The following HELZ variants were observed in gnomAD, a reference collection of about 807,000 sequenced individuals.
HELZ encodes the protein ATP-dependent RNA helicase with zinc finger domain.
HELZ carries 23 observed loss-of-function variants against 218.2 expected under a neutral mutation model. That is an observed-to-expected ratio of 0.11 (90% CI 0.08 to 0.15). The LOEUF is 0.15. Ranked by LOEUF, HELZ falls within the 10% of genes least tolerant of loss-of-function variation. The probability of loss-of-function intolerance (pLI) is 1.00; values close to 1 mark genes in which losing one functional copy is unlikely to be tolerated. For missense variants in HELZ, 1,813 were observed against 2,353.7 expected, an observed-to-expected ratio of 0.77 and a Z score of 4.75; for synonymous variants, 814 against 829.4, an observed-to-expected ratio of 0.98 and a Z score of 0.32.
intron 32 of HELZ, among the ~76,000 whole-genome samples, chr17:67,085,251 T>G (rs2036333386): frequency 1.3e-5 from 2 of 151,630 alleles, no homozygotes; most frequent in Admixed American, 6.6e-5. Context: ...AAACCCCATT[T>G]CTACAAAAAT....
intron 31 of HELZ, among the ~76,000 whole-genome samples, chr17:67,094,400 AG>A (rs2036675912): frequency 6.6e-6 from 1 of 151,754 alleles, no homozygotes; most frequent in Non-Finnish European, 1.5e-5. Flanking sequence ...AGAGAGAGAG[AG>A]AGAGAGATAC....
At chr17:67,237,917 G>A (rs565844375) in intron 3 of HELZ, among the ~76,000 whole-genome samples, 7 of 151,622 alleles carry the variant, frequency 4.6e-5, no homozygotes, top group African/African-American at 1.7e-4. Context: ...GAACCCAAGA[G>A]GCAGAGGTTA....
At position 67,193,585 on chromosome 17, in the gene HELZ, A is replaced by G. The variant is rs372269714; in HGVS notation, c.557+382T>C. On this transcript the variant is annotated intron_variant, in intron 9 of 32. Transcript: ENST00000358691. Reference sequence around the variant, plus strand: ...ACAAAAAATTAGCCAGTGTGGTGGCACATGCCTGTAATCCCAGATACTCAG... The same window carrying G: ...ACAAAAAATTAGCCAGTGTGGTGGCGCATGCCTGTAATCCCAGATACTCAG... 4.9e-4 allele frequency among the ~76,000 whole-genome samples: 74 copies of G among 152,128 alleles called. 1 individual carries two copies. The East Asian group carries it at 9.9e-3, about 20-fold the overall frequency.
chr17:67,186,897 A>C (rs2039771057), intron 12 of HELZ, among the ~76,000 whole-genome samples: 1 of 152,222 alleles, frequency 6.6e-6, no homozygotes, highest in South Asian at 2.1e-4. Flanking sequence ...GGTCTCTAAA[A>C]GCAACTTACT....
intron 31 of HELZ, among the ~76,000 whole-genome samples, chr17:67,088,019 T>A (rs560450024): frequency 1.3e-5 from 2 of 152,334 alleles, no homozygotes; most frequent in South Asian, 4.1e-4. Context: ...GGCAACTGAT[T>A]TAACTTCTTT....
intron 31 of HELZ, among the ~76,000 whole-genome samples, chr17:67,094,970 A>G (rs1487574742): frequency 6.6e-6 from 1 of 152,206 alleles, no homozygotes; most frequent in African/African-American, 2.4e-5. Flanking sequence ...TCTTAAAATA[A>G]GACAATAATA....
intron 1 of HELZ, chr17:67,244,784 G>T: frequency 1.0e-6 from 1 of 985,348 alleles, no homozygotes; most frequent in Non-Finnish European, 1.2e-6. Flanking sequence ...CCGGAGGAGG[G>T]GAACGTGCCG....
intron 21 of HELZ, among the ~76,000 whole-genome samples, chr17:67,139,475 C>T (rs2038255784): frequency 6.6e-6 from 1 of 152,170 alleles, no homozygotes; most frequent in African/African-American, 2.4e-5. Flanking sequence ...CACCTCTAAG[C>T]AACACACAAC....
intron 5 of HELZ, among the ~76,000 whole-genome samples, chr17:67,206,250 T>C (rs1361618903): frequency 5.3e-5 from 8 of 152,254 alleles, no homozygotes; most frequent in African/African-American, 2.4e-5. Context: ...TCAAACTGAA[T>C]TGTTCCTTTC....
intron 7 of HELZ, 147 bp downstream of exon 7, chr17:67,200,982 C>G (rs1269928294): frequency 2.2e-5 from 15 of 695,452 alleles, no homozygotes; most frequent in Non-Finnish European, 4.0e-5. Flanking sequence ...ATGGGGGTTA[C>G]GAGGGAAGGC....
intron 5 of HELZ, among the ~76,000 whole-genome samples, chr17:67,211,215 C>T (rs371110360): frequency 6.6e-6 from 1 of 151,740 alleles, no homozygotes. Context: ...TTAATCAGTT[C>T]CTGGTTTAAA....
chr17:67,172,767 A>C (rs2039349536), intron 13 of HELZ, among the ~76,000 whole-genome samples: 1 of 152,068 alleles, frequency 6.6e-6, no homozygotes, highest in Non-Finnish European at 1.5e-5. Flanking sequence ...CATCACGCCC[A>C]GCTAATTTTT....
chr17:67,201,843 T>C (rs2040177359), intron 6 of HELZ, among the ~76,000 whole-genome samples: 2 of 152,222 alleles, frequency 1.3e-5, no homozygotes, highest in South Asian at 2.1e-4. Context: ...ATATAATTTT[T>C]CTATGCTAAT....
intron 22 of HELZ, among the ~76,000 whole-genome samples, chr17:67,137,667 T>A (rs2038195411): frequency 6.6e-6 from 1 of 152,344 alleles, no homozygotes; most frequent in Middle Eastern, 3.4e-3. Context: ...TGACTGTAAT[T>A]CACAGCATAC....
At chr17:67,243,944 GAA>G in intron 1 of HELZ, 105 bp from the exon 2 acceptor site, 1 of 982,154 alleles carries the variant, frequency 1.0e-6, no homozygotes, top group South Asian at 4.7e-5. Flanking sequence ...ATTTAAAATG[GAA>G]AAAGTTACAA....
chr17:67,117,005 C>T (rs1044582443), intron 27 of HELZ, among the ~76,000 whole-genome samples: 2 of 151,902 alleles, frequency 1.3e-5, no homozygotes, highest in Non-Finnish European at 2.9e-5. Flanking sequence ...TACAGGCGTG[C>T]ACCACCACAC....
chr17:67,125,423 TA>T (rs2037763119), intron 24 of HELZ, among the ~76,000 whole-genome samples: 1 of 145,128 alleles, frequency 6.9e-6, no homozygotes, highest in Non-Finnish European at 1.5e-5. Context: ...ATGGCAAAAG[TA>T]TAAGATGAGA....
rs1488041525 is a variant in HELZ, at chr17:67,203,410, G to C, written c.281C>G (p.Ala94Gly). 1 of 1,614,072 alleles carries C rather than the reference G, an allele frequency of 6.2e-7. No homozygotes were observed. The highest frequency in any genetic ancestry group is 8.5e-7 in the Non-Finnish European group (1 of 1,179,954). ...CATGCAGCAAAGCACTGCCCGAAAG[G>C]CATCTTCTCCCTTGGCCAGTCCTTC... ...LGEGLAKGED[A>G]FRAVLCCMQL... Residue 94 changes from alanine to glycine, a missense_variant, in exon 6 of 33, where the codon GCC (alanine) becomes GGC (glycine). This residue lies in a region of HELZ where 714 missense variants were observed against 1,029.2 expected (regional missense o/e 0.69). Coordinates refer to ENST00000358691, the MANE Select transcript of HELZ (RefSeq NM_014877.4).
intron 31 of HELZ, among the ~76,000 whole-genome samples, chr17:67,089,668 T>G (rs12948679): frequency 0.092 from 6,481 of 70,674 alleles, 541 homozygotes; most frequent in African/African-American, 0.15. Context: ...TATATATATA[T>G]AGAGAGAGAG....
Sources: gnomAD v4.1 joint callset for allele counts (sites outside exome capture counted in the v4.1 genomes callset) on GRCh38, gnomAD v4.1.1 for gene constraint, gnomAD v4.1.1 regional missense constraint, MANE v1.5 for transcripts, NCBI Gene and HGNC (gene_info 2026-07-23, HGNC 2026-07-21) for gene names.